OXCT1: variants seen among roughly 807,000 people sequenced by gnomAD.
OXCT1 encodes 3-oxoacid CoA-transferase 1, also known as succinyl-CoA:3-ketoacid coenzyme A transferase 1, mitochondrial.
In OXCT1, 27 loss-of-function variants were observed where a neutral mutation model predicts 69.6. The ratio of observed to expected loss-of-function variants is 0.39; its 90% confidence interval spans 0.29 to 0.54. The LOEUF (loss-of-function observed/expected upper bound fraction) is 0.54, where lower values mean the gene tolerates loss of function less well. Ranked by LOEUF, OXCT1 falls within the 20% of genes least tolerant of loss-of-function variation. The pLI is 0.72. For missense variants in OXCT1, 437 were observed against 650.2 expected, an observed-to-expected ratio of 0.67 and a Z score of 3.57; for synonymous variants, 202 against 217.8, an observed-to-expected ratio of 0.93 and a Z score of 0.64.
At chr5:41,833,928 G>T (rs1160301073) in intron 7 of OXCT1, among the ~76,000 whole-genome samples, 1 of 151,568 alleles carries the variant, frequency 6.6e-6, no homozygotes, top group African/African-American at 2.4e-5. Context: ...TGGGCGTGGT[G>T]GTGCGCACCT....
Position 41,803,281 on chromosome 5 carries a change from A to C in OXCT1, c.956-118T>G. On this transcript the variant is annotated intron_variant, in intron 9 of 16. Coordinates refer to ENST00000196371, the MANE Select transcript of OXCT1 (RefSeq NM_000436.4). The stretch of plus-strand genomic sequence containing the variant: ...TTTAAAGGTGGCTTACTCTGAATGT[A>C]ATAAATGAATATATTCTCCAATCAC... 7.4e-6 allele frequency: 5 copies of C among 676,310 alleles called. No homozygotes were observed. The South Asian group carries it at 8.7e-5, about 12-fold the overall frequency. 41.9% of individuals were successfully genotyped at this position (676,310 alleles called of 1,614,324 possible).
chr5:41,805,516 G>A lies in OXCT1; in HGVS notation c.955+51C>T, dbSNP rs767116941. 12 of 1,234,594 alleles carry A rather than the reference G, an allele frequency of 9.7e-6. No homozygotes were observed. The East Asian group carries it at 2.8e-4, about 29-fold the overall frequency. 76.5% of individuals were successfully genotyped at this position (1,234,594 alleles called of 1,614,324 possible). ...AGAGGTCTAATAGCCTGATCAATAT[G>A]GGAAAAGCAAAGGCTATGTCTTTGC... On this transcript the variant is annotated intron_variant, in intron 9 of 16. Coordinates refer to ENST00000196371, the MANE Select transcript of OXCT1 (RefSeq NM_000436.4).
intron 7 of OXCT1, among the ~76,000 whole-genome samples, chr5:41,839,873 AAT>A (rs766367373): frequency 2.6e-5 from 4 of 152,206 alleles, no homozygotes; most frequent in African/African-American, 4.8e-5. Flanking sequence ...TTTGAGGTTC[AAT>A]ATGTTACAAC....
intron 14 of OXCT1, among the ~76,000 whole-genome samples, chr5:41,759,642 G>GT (rs1205189943): frequency 1.3e-5 from 2 of 152,080 alleles, no homozygotes; most frequent in Non-Finnish European, 2.9e-5. Flanking sequence ...ACTAAAGGCA[G>GT]TAACTGGTTG....
At chr5:41,829,290 T>C (rs981202935) in intron 7 of OXCT1, among the ~76,000 whole-genome samples, 6 of 151,986 alleles carry the variant, frequency 3.9e-5, no homozygotes, top group African/African-American at 2.4e-5. Context: ...ATAATACAGG[T>C]TAATAAAAAC....
intron 14 of OXCT1, among the ~76,000 whole-genome samples, chr5:41,755,217 A>C (rs1173270446): frequency 2.6e-5 from 4 of 152,036 alleles, no homozygotes; most frequent in Non-Finnish European, 5.9e-5. Flanking sequence ...AGGTTAATTA[A>C]ATTCTGTAAC....
intron 13 of OXCT1, among the ~76,000 whole-genome samples, chr5:41,767,166 A>G (rs892817663): frequency 1.3e-5 from 2 of 152,200 alleles, no homozygotes; most frequent in African/African-American, 4.8e-5. Context: ...GAAAAATAAG[A>G]GACTTAAAAT....
At chr5:41,821,403 AT>A (rs1480928277) in intron 7 of OXCT1, among the ~76,000 whole-genome samples, 2 of 152,244 alleles carry the variant, frequency 1.3e-5, no homozygotes, top group African/African-American at 4.8e-5. Context: ...CATATTCTAC[AT>A]GGAAACAAAA....
Position 41,845,989 on chromosome 5 carries a change from A to G in OXCT1, c.565-3208T>C, listed in dbSNP as rs567375452. Among the ~76,000 whole-genome samples the G allele has an allele frequency of 4.6e-5, 7 of 152,260 alleles. No individual in the cohort carries two copies. In the South Asian group the frequency reaches 1.2e-3, roughly 27 times the overall value. On this transcript the variant is annotated intron_variant, in intron 5 of 16. Coordinates refer to ENST00000196371, the MANE Select transcript of OXCT1 (RefSeq NM_000436.4). Reference sequence around the variant, plus strand: ...TTAAAAATATATGCAGTACTTATACATTTTTATAACACCAGCTTAAGAAAT... The same window carrying G: ...TTAAAAATATATGCAGTACTTATACGTTTTTATAACACCAGCTTAAGAAAT...
At chr5:41,853,787 G>A (rs923314129) in intron 3 of OXCT1, 7 of 595,964 alleles carry the variant, frequency 1.2e-5, no homozygotes, top group Middle Eastern at 4.6e-4. Flanking sequence ...TTGTGGGAGC[G>A]GGGCATGCAC....
chr5:41,743,124 A>C (rs1269562702), intron 15 of OXCT1, among the ~76,000 whole-genome samples: 2 of 152,164 alleles, frequency 1.3e-5, no homozygotes, highest in African/African-American at 4.8e-5. Context: ...ATTTCTCCAC[A>C]TCCTCTCCAG....
intron 16 of OXCT1, 71 bp from the exon 17 acceptor site, chr5:41,731,841 C>T: frequency 1.3e-6 from 2 of 1,536,500 alleles, no homozygotes; most frequent in Non-Finnish European, 1.8e-6. Context: ...TTTTAATTTC[C>T]AAATTTCAAT....
chr5:41,837,630 C>CA (rs71608626), intron 7 of OXCT1, among the ~76,000 whole-genome samples: 2,834 of 82,936 alleles, frequency 0.034, 65 homozygotes, highest in African/African-American at 0.094. Flanking sequence ...ATAAGCTGGG[C>CA]AAAAAAAAAA....
chr5:41,739,070 T>C (rs1002579589), intron 16 of OXCT1, among the ~76,000 whole-genome samples: 4 of 152,228 alleles, frequency 2.6e-5, no homozygotes, highest in African/African-American at 7.2e-5. Context: ...ACAGCTGCCA[T>C]ATAACCAAAG....
At chr5:41,803,927 AACTACTGCCC>A (rs1344589552) in intron 9 of OXCT1, among the ~76,000 whole-genome samples, 1 of 152,056 alleles carries the variant, frequency 6.6e-6, no homozygotes, top group Non-Finnish European at 1.5e-5. Context: ...CACTGCCTGG[AACTACTGCCC>A]ACTACTGTCC....
chr5:41,763,174 T>A (rs1044829667), intron 13 of OXCT1, among the ~76,000 whole-genome samples: 2 of 152,040 alleles, frequency 1.3e-5, no homozygotes, highest in African/African-American at 4.8e-5. Flanking sequence ...TCGAATTCCA[T>A]GATTTTGGAG....
rs570365611 is a variant in OXCT1, at chr5:41,731,287, G to A, written c.*442C>T. ...TAAAATCTGAAGCCCCAAAAGAAAAGTCAGAGGAGGCTGAAGAAAAAACAA... is the reference window on the plus strand; with the variant it reads ...TAAAATCTGAAGCCCCAAAAGAAAAATCAGAGGAGGCTGAAGAAAAAACAA... On this transcript the variant is annotated 3_prime_UTR_variant, in exon 17 of 17. Coordinates refer to ENST00000196371, the MANE Select transcript of OXCT1 (RefSeq NM_000436.4). 5 of 726,190 alleles carry A rather than the reference G, an allele frequency of 6.9e-6. No homozygotes were observed. In the Admixed American group the frequency reaches 2.2e-4, roughly 32 times the overall value. The allele number at this position is 726,190 out of a possible 1,614,324, so 45.0% of individuals were successfully genotyped here. A position where few individuals can be genotyped will look rare whatever the true frequency, so the allele number is the denominator to read the frequency against.
At chr5:41,834,366 G>A (rs2112376362) in intron 7 of OXCT1, among the ~76,000 whole-genome samples, 1 of 151,818 alleles carries the variant, frequency 6.6e-6, no homozygotes. Context: ...GTAGCTGAAT[G>A]GATGAAAAAA....
At chr5:41,866,994 T>C (rs1028784623) in intron 1 of OXCT1, among the ~76,000 whole-genome samples, 4 of 152,156 alleles carry the variant, frequency 2.6e-5, no homozygotes, top group African/African-American at 9.7e-5. Flanking sequence ...TGGAGAGAGG[T>C]TCATGAAGAT....
Sources: gnomAD v4.1 joint callset for allele counts (sites outside exome capture counted in the v4.1 genomes callset) on GRCh38, gnomAD v4.1.1 for gene constraint, MANE v1.5 for transcripts, NCBI Gene and HGNC (gene_info 2026-07-23, HGNC 2026-07-21) for gene names.